CTNND2: variants seen among roughly 807,000 people sequenced by gnomAD.
The protein encoded by CTNND2 is catenin delta-2.
In CTNND2, 22 loss-of-function variants were observed where a neutral mutation model predicts 144.4. The observed-to-expected ratio is 0.15, with a 90% CI of 0.11 to 0.22. The LOEUF (loss-of-function observed/expected upper bound fraction) is 0.22, where lower values mean the gene tolerates loss of function less well. Ranked by LOEUF, CTNND2 falls within the 10% of genes least tolerant of loss-of-function variation. The pLI is 1.00. For synonymous variants in CTNND2, 751 were observed against 695.6 expected (o/e 1.08, Z -1.25); for missense variants, 1,353 against 1,618.8 (o/e 0.84, Z 2.82).
At chr5:11,345,081 G>A (rs42278) in intron 9 of CTNND2, among the ~76,000 whole-genome samples, 4,285 of 152,074 alleles carry the variant, frequency 0.028, 83 homozygotes, top group South Asian at 0.068. Flanking sequence ...TCACTATTAC[G>A]CTATTTCTAC....
chr5:11,570,563 G>C (rs1406533917), intron 2 of CTNND2, among the ~76,000 whole-genome samples: 1 of 152,090 alleles, frequency 6.6e-6, no homozygotes, highest in Non-Finnish European at 1.5e-5. Flanking sequence ...TTGAGACAGT[G>C]ATTTTTTGCT....
intron 1 of CTNND2, among the ~76,000 whole-genome samples, chr5:11,822,880 T>C (rs766522941): frequency 5.3e-5 from 8 of 152,228 alleles, no homozygotes; most frequent in Non-Finnish European, 2.9e-5. Context: ...TTGTGAGAGA[T>C]TGGCAAACAG....
At chr5:11,815,428 A>G (rs1181713153) in intron 1 of CTNND2, among the ~76,000 whole-genome samples, 2 of 152,208 alleles carry the variant, frequency 1.3e-5, no homozygotes, top group South Asian at 2.1e-4. Flanking sequence ...GTTTTAACCA[A>G]TTGGCAGCTA....
intron 1 of CTNND2, among the ~76,000 whole-genome samples, chr5:11,776,987 A>C (rs1284882560): frequency 6.6e-6 from 1 of 152,220 alleles, no homozygotes; most frequent in Non-Finnish European, 1.5e-5. Context: ...ATTTTCAAAA[A>C]GGATAATCTA....
intron 2 of CTNND2, among the ~76,000 whole-genome samples, chr5:11,615,977 T>C (rs1369981254): frequency 6.6e-6 from 1 of 152,256 alleles, no homozygotes; most frequent in Admixed American, 6.5e-5. Context: ...GATGGCCAAG[T>C]GGTTACTAAA....
intron 9 of CTNND2, among the ~76,000 whole-genome samples, chr5:11,330,782 C>CAAAAAAAAA (rs70949317): frequency 7.2e-6 from 1 of 139,536 alleles, no homozygotes; most frequent in Non-Finnish European, 1.6e-5. Flanking sequence ...AACTCTGTAT[C>CAAAAAAAAA]AAAAAAAAAA....
chr5:11,756,253 T>A (rs1017757318), intron 1 of CTNND2, among the ~76,000 whole-genome samples: 5 of 151,692 alleles, frequency 3.3e-5, no homozygotes, highest in Admixed American at 2.0e-4. Flanking sequence ...TTTTTAAATA[T>A]TATAACTTCT....
chr5:11,096,824 AAAC>A (rs974531925), intron 15 of CTNND2, among the ~76,000 whole-genome samples: 7 of 151,878 alleles, frequency 4.6e-5, no homozygotes, highest in Non-Finnish European at 1.0e-4. Flanking sequence ...AGAGAGAGAG[AAAC>A]AACATCTTAA....
At chr5:11,134,078 T>A (rs1239531101) in intron 12 of CTNND2, among the ~76,000 whole-genome samples, 2 of 152,162 alleles carry the variant, frequency 1.3e-5, no homozygotes, top group African/African-American at 2.4e-5. Context: ...ACAGGAACTC[T>A]TCAAATCAGA....
At chr5:11,031,708 T>C (rs1378947069) in intron 16 of CTNND2, among the ~76,000 whole-genome samples, 2 of 152,184 alleles carry the variant, frequency 1.3e-5, no homozygotes, top group Admixed American at 6.5e-5. Flanking sequence ...GCTGCCAGCA[T>C]GGCTAGAACA....
chr5:11,069,410 C>T (rs2149608727), intron 16 of CTNND2, among the ~76,000 whole-genome samples: 1 of 152,212 alleles, frequency 6.6e-6, no homozygotes, highest in South Asian at 2.1e-4. Flanking sequence ...GTGAAAGAGC[C>T]ATCAGGGTAG....
At chr5:11,627,028 T>C (rs1382707518) in intron 2 of CTNND2, among the ~76,000 whole-genome samples, 1 of 152,154 alleles carries the variant, frequency 6.6e-6, no homozygotes, top group African/African-American at 2.4e-5. Context: ...TTGAGTTAAT[T>C]TGCAGAGGTG....
At chr5:11,067,668 T>C (rs1382621571) in intron 16 of CTNND2, among the ~76,000 whole-genome samples, 5 of 152,236 alleles carry the variant, frequency 3.3e-5, no homozygotes, top group African/African-American at 1.2e-4. Flanking sequence ...CCTGCCCTCA[T>C]TGAAGAATTG....
At chr5:11,468,545 G>A (rs1356501869) in intron 3 of CTNND2, among the ~76,000 whole-genome samples, 2 of 152,146 alleles carry the variant, frequency 1.3e-5, no homozygotes, top group African/African-American at 4.8e-5. Context: ...TGTAGATACA[G>A]TATCCAATAT....
At chr5:11,102,855 T>C (rs932041823) in intron 14 of CTNND2, among the ~76,000 whole-genome samples, 5 of 151,936 alleles carry the variant, frequency 3.3e-5, no homozygotes, top group African/African-American at 2.4e-5. Context: ...AAATAACATA[T>C]GCGTGGGGCT....
chr5:11,337,636 T>C (rs1753854482), intron 9 of CTNND2, among the ~76,000 whole-genome samples: 1 of 152,186 alleles, frequency 6.6e-6, no homozygotes, highest in African/African-American at 2.4e-5. Flanking sequence ...TAATACAAAT[T>C]ACTGATAAAG....
At chr5:11,701,598 C>G (rs942892797) in intron 2 of CTNND2, among the ~76,000 whole-genome samples, 2 of 151,728 alleles carry the variant, frequency 1.3e-5, no homozygotes, top group Non-Finnish European at 2.9e-5. Context: ...ACAATTTTAC[C>G]CACTTCATTT....
At chr5:11,338,420 T>G (rs1323487416) in intron 9 of CTNND2, among the ~76,000 whole-genome samples, 1 of 152,166 alleles carries the variant, frequency 6.6e-6, no homozygotes, top group Non-Finnish European at 1.5e-5. Flanking sequence ...CCTTCTGAAC[T>G]TGGGGTACAG....
intron 1 of CTNND2, among the ~76,000 whole-genome samples, chr5:11,775,916 C>G (rs75980236): frequency 2.0e-5 from 3 of 151,978 alleles, no homozygotes; most frequent in African/African-American, 7.3e-5. Context: ...TGGACACAGA[C>G]GCACACACAC....
Sources: allele counts gnomAD v4.1 joint callset (sites outside exome capture counted in the v4.1 genomes callset), GRCh38; gene constraint gnomAD v4.1.1; transcripts MANE v1.5; gene names NCBI Gene and HGNC (gene_info 2026-07-23, HGNC 2026-07-21).